The following PCDHGB2 variants were observed in gnomAD, a reference collection of about 807,000 sequenced individuals.
The protein encoded by PCDHGB2 is protocadherin gamma subfamily B, 2, also known as protocadherin gamma-B2.
In PCDHGB2, 55 loss-of-function variants were observed where a neutral mutation model predicts 59.3. The observed-to-expected ratio is 0.93, with a 90% CI of 0.75 to 1.16. PCDHGB2 has a LOEUF of 1.16. PCDHGB2 is among the 50% of genes most tolerant of loss of function. The probability of loss-of-function intolerance (pLI) is 0.00; values close to 1 mark genes in which losing one functional copy is unlikely to be tolerated. For synonymous variants in PCDHGB2, 516 were observed against 512.0 expected (o/e 1.01, Z -0.11); for missense variants, 1,228 against 1,198.5 (o/e 1.02, Z -0.36).
chr5:141,434,429 C>T (rs1379210960), intron 1 of PCDHGB2, among the ~76,000 whole-genome samples: 2 of 152,152 alleles, frequency 1.3e-5, no homozygotes, highest in Admixed American at 6.5e-5. Flanking sequence ...TCATGATGGC[C>T]GTAATGCCCA....
rs376882541 is a variant in PCDHGB2, at chr5:141,361,403, C to G, written c.1268C>G (p.Thr423Arg). The G allele has an allele frequency of 6.2e-6, 10 of 1,613,932 alleles. No individual in the cohort carries two copies. The highest frequency in any genetic ancestry group is 7.6e-6 in the Non-Finnish European group (9 of 1,179,910). The change falls in exon 1 of 4, where the codon ACA becomes AGA. Residue 423 changes from threonine (T) to arginine (R), a missense_variant. Coordinates refer to ENST00000522605, the MANE Select transcript of PCDHGB2 (RefSeq NM_018923.3). ...ATCCCAGAATACAATCTCACCATCA[C>G]AGCCACCGACGGGGGCAAGCCGCCC... Reference protein sequence around the residue: ...EEIPEYNLTITATDGGKPPLS... With the variant: ...EEIPEYNLTIRATDGGKPPLS...
At chr5:141,399,645 A>C (rs762123604) in intron 1 of PCDHGB2, 8 of 1,613,676 alleles carry the variant, frequency 5.0e-6, no homozygotes, top group Admixed American at 1.7e-5. Flanking sequence ...TGAGCGCGCA[A>C]AGTGGGGTGG....
chr5:141,373,523 C>CA (rs1248195840), intron 1 of PCDHGB2, among the ~76,000 whole-genome samples: 5 of 151,934 alleles, frequency 3.3e-5, no homozygotes, highest in African/African-American at 7.3e-5. Flanking sequence ...ACTTTGTCTC[C>CA]AAAAAAGTGT....
chr5:141,410,186 C>G, intron 1 of PCDHGB2: 1 of 1,613,940 alleles, frequency 6.2e-7, no homozygotes, highest in Non-Finnish European at 8.5e-7. Flanking sequence ...CACGCTTCAT[C>G]TGGTCTTCGC....
In PCDHGB2 at chr5:141,472,980, C is replaced by CAAAA. The variant is rs60579131; in HGVS notation, c.2422-21813_2422-21810dup. ...CAGCCTGGGGAACAAGAGTGAAACT[C>CAAAA]AAAAAAAAAAAAAAAAAGAAAGAAA... On this transcript the variant is annotated intron_variant, in intron 1 of 3. Transcript: ENST00000522605. 5.5e-3 allele frequency among the ~76,000 whole-genome samples: 472 copies of CAAAA among 85,978 alleles called. 4 individuals carry two copies. The highest frequency in any genetic ancestry group is 0.013 in the Admixed American group (104 of 8,158). The allele number at this position is 85,978 out of a possible 152,430, so 56.4% of individuals were successfully genotyped here. A position where few individuals can be genotyped will look rare whatever the true frequency, so the allele number is the denominator to read the frequency against.
chr5:141,429,583 T>A (rs2097226045), intron 1 of PCDHGB2, among the ~76,000 whole-genome samples: 2 of 152,218 alleles, frequency 1.3e-5, no homozygotes, highest in South Asian at 4.1e-4. Flanking sequence ...TTACTTTTGA[T>A]TCTTGTAATT....
rs1454432396 is a variant in PCDHGB2 at position 141,388,086 on chromosome 5, G to T, written c.2421+25530G>T. 2.9e-6 allele frequency: 4 copies of T among 1,368,264 alleles called. No individual in the cohort carries two copies. Among genetic ancestry groups the T allele is most frequent in the Admixed American group, 2.0e-5 (1 of 48,944 alleles). The allele number at this position is 1,368,264 out of a possible 1,614,324, so 84.8% of individuals were successfully genotyped here. On this transcript the variant is annotated intron_variant, in intron 1 of 3. Coordinates refer to ENST00000522605, the MANE Select transcript of PCDHGB2 (RefSeq NM_018923.3). ...GGAGTTACCGACTCGAAAACTGCGCGTCAGTTCGGAGAAGCCTTACTTCAC... is the reference window on the plus strand; with the variant it reads ...GGAGTTACCGACTCGAAAACTGCGCTTCAGTTCGGAGAAGCCTTACTTCAC...
chr5:141,511,485 C>T lies in PCDHGB2; in HGVS notation c.*312C>T, dbSNP rs1324849800. 1.8e-5 allele frequency: 8 copies of T among 453,300 alleles called. No individual in the cohort carries two copies. The highest frequency in any genetic ancestry group is 1.2e-4 in the African/African-American group (6 of 50,332). The allele number at this position is 453,300 out of a possible 1,614,324, so 28.1% of individuals were successfully genotyped here. A position where few individuals can be genotyped will look rare whatever the true frequency, so the allele number is the denominator to read the frequency against. On this transcript the variant is annotated 3_prime_UTR_variant, in exon 4 of 4. Coordinates refer to ENST00000522605, the MANE Select transcript of PCDHGB2 (RefSeq NM_018923.3). Reference sequence around the variant, plus strand: ...ACCCCGTTTAGTTACAGCTGAACTCCTCCATCTTCCAAATCAATCAGGCCC... The same window carrying T: ...ACCCCGTTTAGTTACAGCTGAACTCTTCCATCTTCCAAATCAATCAGGCCC...
At chr5:141,418,484 C>T (rs771278923) in intron 1 of PCDHGB2, 1 of 1,613,878 alleles carries the variant, frequency 6.2e-7, no homozygotes, top group East Asian at 2.2e-5. Flanking sequence ...GAGCGCTCAC[C>T]ACTTGGTACT....
At chr5:141,404,891 C>G in intron 1 of PCDHGB2, 1 of 1,613,898 alleles carries the variant, frequency 6.2e-7, no homozygotes, top group African/African-American at 1.3e-5. Context: ...GGTGGCTGTA[C>G]AGGACCATGG....
chr5:141,443,217 G>A (rs1447455858), intron 1 of PCDHGB2, among the ~76,000 whole-genome samples: 8 of 151,656 alleles, frequency 5.3e-5, no homozygotes, highest in African/African-American at 2.4e-5. Flanking sequence ...CTCGCCAGGC[G>A]CATCTATAAT....
intron 1 of PCDHGB2, chr5:141,408,244 G>A (rs746604555): frequency 6.3e-7 from 1 of 1,585,990 alleles, no homozygotes; most frequent in Non-Finnish European, 8.6e-7. Context: ...CCGGCCCGCG[G>A]CAGGTGCTAT....
intron 1 of PCDHGB2, chr5:141,430,865 C>G: frequency 6.3e-7 from 1 of 1,595,350 alleles, no homozygotes; most frequent in Non-Finnish European, 8.5e-7. Flanking sequence ...CTATTCAGTT[C>G]CGGAAGAGCT....
intron 1 of PCDHGB2, among the ~76,000 whole-genome samples, chr5:141,446,411 G>A (rs778985047): frequency 1.3e-5 from 2 of 152,086 alleles, no homozygotes; most frequent in Non-Finnish European, 2.9e-5. Flanking sequence ...TTGAGTTCCA[G>A]CCATGTTCAT....
intron 1 of PCDHGB2, chr5:141,420,098 A>G: frequency 6.2e-7 from 1 of 1,614,034 alleles, no homozygotes; most frequent in African/African-American, 1.3e-5. Flanking sequence ...CAGTGAGGGA[A>G]CGTTGCCCTA....
intron 1 of PCDHGB2, chr5:141,408,522 A>C: frequency 1.2e-6 from 2 of 1,614,026 alleles, no homozygotes; most frequent in Non-Finnish European, 1.7e-6. Flanking sequence ...TTGCAATTGG[A>C]AGCTGTGGTG....
At chr5:141,433,352 T>G (rs976015031) in intron 1 of PCDHGB2, 1 of 614,162 alleles carries the variant, frequency 1.6e-6, no homozygotes, top group Admixed American at 3.0e-5. Flanking sequence ...AGCCACCTAC[T>G]GTCTGCCTAT....
intron 1 of PCDHGB2, chr5:141,416,166 T>C (rs2096001393): frequency 6.5e-6 from 1 of 152,744 alleles, no homozygotes; most frequent in Admixed American, 6.5e-5. Flanking sequence ...CAGTTGAATA[T>C]ACTAAGTTTT....
intron 1 of PCDHGB2, among the ~76,000 whole-genome samples, chr5:141,434,479 A>C (rs2097696849): frequency 6.6e-6 from 1 of 152,202 alleles, no homozygotes; most frequent in African/African-American, 2.4e-5. Flanking sequence ...AGGGCAAGGA[A>C]CACCTGGCCC....
Sources: gnomAD v4.1 joint callset for allele counts (sites outside exome capture counted in the v4.1 genomes callset) on GRCh38, gnomAD v4.1.1 for gene constraint, MANE v1.5 for transcripts, NCBI Gene and HGNC (gene_info 2026-07-23, HGNC 2026-07-21) for gene names.